The following MACROD2 variants were observed in gnomAD, a reference collection of about 807,000 sequenced individuals.
The protein encoded by MACROD2 is ADP-ribose glycohydrolase MACROD2.
In MACROD2, 36 loss-of-function variants were observed where a neutral mutation model predicts 70.4. The observed-to-expected ratio is 0.51, with a 90% CI of 0.39 to 0.68. The LOEUF is 0.68. Ranked by LOEUF, MACROD2 falls within the 30% of genes least tolerant of loss-of-function variation. The probability of loss-of-function intolerance (pLI) is 0.00; values close to 1 mark genes in which losing one functional copy is unlikely to be tolerated. For synonymous variants in MACROD2, 172 were observed against 178.8 expected (o/e 0.96, Z 0.30); for missense variants, 496 against 538.4 (o/e 0.92, Z 0.78).
chr20:15,342,480 G>A (rs1238306471), intron 6 of MACROD2, among the ~76,000 whole-genome samples: 1 of 152,146 alleles, frequency 6.6e-6, no homozygotes, highest in Non-Finnish European at 1.5e-5. Flanking sequence ...AGGAATTTGA[G>A]TCTGAAGGAA....
At chr20:15,813,922 A>G (rs1283338382) in intron 8 of MACROD2, among the ~76,000 whole-genome samples, 2 of 152,210 alleles carry the variant, frequency 1.3e-5, no homozygotes, top group African/African-American at 4.8e-5. Flanking sequence ...GCTTTTATTA[A>G]AAGTTTTTGT....
rs889198391 is a variant in MACROD2 at position 14,743,008 on chromosome 20, C to T, written c.418+58049C>T. Among the ~76,000 whole-genome samples the T allele has an allele frequency of 5.3e-5, 8 of 152,036 alleles. No individual in the cohort carries two copies. The South Asian group carries it at 8.3e-4, about 16-fold the overall frequency. Reference sequence around the variant, plus strand: ...GTCTCGATCTCCTGACCTCGTGATCCGCCCGCCTCGGCCTCCCAAATTGCT... The same window carrying T: ...GTCTCGATCTCCTGACCTCGTGATCTGCCCGCCTCGGCCTCCCAAATTGCT... On this transcript the variant is annotated intron_variant, in intron 5 of 17. Transcript: ENST00000684519.
At chr20:15,575,799 G>T (rs1318945035) in intron 8 of MACROD2, among the ~76,000 whole-genome samples, 1 of 152,066 alleles carries the variant, frequency 6.6e-6, no homozygotes, top group Non-Finnish European at 1.5e-5. Context: ...AGCAAAAACT[G>T]GAATGTCTAA....
At chr20:14,577,166 C>T (rs1414358128) in intron 4 of MACROD2, among the ~76,000 whole-genome samples, 1 of 152,106 alleles carries the variant, frequency 6.6e-6, no homozygotes, top group African/African-American at 2.4e-5. Flanking sequence ...AATCTAAGGC[C>T]ACTGGATGGC....
chr20:14,583,097 T>A (rs980400922), intron 4 of MACROD2, among the ~76,000 whole-genome samples: 1 of 152,178 alleles, frequency 6.6e-6, no homozygotes, highest in African/African-American at 2.4e-5. Flanking sequence ...GACTCTCATG[T>A]CTTGTGTTGG....
intron 5 of MACROD2, among the ~76,000 whole-genome samples, chr20:14,702,230 A>G (rs909525167): frequency 6.6e-6 from 1 of 152,046 alleles, no homozygotes; most frequent in Non-Finnish European, 1.5e-5. Context: ...TTACCCACCA[A>G]GAATTTTAAA....
chr20:14,591,997 C>T (rs1409580292), intron 4 of MACROD2, among the ~76,000 whole-genome samples: 18 of 152,008 alleles, frequency 1.2e-4, no homozygotes, highest in Non-Finnish European at 2.5e-4. Flanking sequence ...AATCATTGGG[C>T]AGAGAGGAGA....
At chr20:14,799,481 T>G (rs527814775) in intron 5 of MACROD2, among the ~76,000 whole-genome samples, 104 of 152,258 alleles carry the variant, frequency 6.8e-4, no homozygotes, top group African/African-American at 2.4e-3. Flanking sequence ...AATCTTAGCA[T>G]AGATGATGTT....
chr20:15,884,208 G>A (rs2051288328), intron 9 of MACROD2, among the ~76,000 whole-genome samples: 1 of 151,980 alleles, frequency 6.6e-6, no homozygotes, highest in African/African-American at 2.4e-5. Flanking sequence ...CAAAAATAAG[G>A]TACATCAAAG....
chr20:14,840,467 A>G (rs1342689291), intron 5 of MACROD2, among the ~76,000 whole-genome samples: 3 of 151,902 alleles, frequency 2.0e-5, no homozygotes, highest in Non-Finnish European at 4.4e-5. Context: ...GGGCTCTTGG[A>G]CTCAAGCAAT....
chr20:14,794,855 C>A (rs574037240), intron 5 of MACROD2, among the ~76,000 whole-genome samples: 1 of 151,836 alleles, frequency 6.6e-6, no homozygotes, highest in African/African-American at 2.4e-5. Context: ...AACACAGAAA[C>A]AATGTAAAAG....
chr20:14,785,479 G>T (rs964403835), intron 5 of MACROD2, among the ~76,000 whole-genome samples: 1 of 151,626 alleles, frequency 6.6e-6, no homozygotes, highest in East Asian at 1.9e-4. Context: ...AGGGGAGAGG[G>T]CCAGTCCCCC....
chr20:14,095,568 T>A (rs1309805914), intron 3 of MACROD2, among the ~76,000 whole-genome samples: 1 of 152,144 alleles, frequency 6.6e-6, no homozygotes, highest in Non-Finnish European at 1.5e-5. Context: ...CCTAGCATCT[T>A]TCCTGTTGAA....
intron 7 of MACROD2, among the ~76,000 whole-genome samples, chr20:15,487,786 A>G (rs2047181027): frequency 6.6e-6 from 1 of 152,214 alleles, no homozygotes; most frequent in Non-Finnish European, 1.5e-5. Flanking sequence ...TTTTGAGGGC[A>G]GTTTACAAAC....
intron 5 of MACROD2, among the ~76,000 whole-genome samples, chr20:15,075,717 C>A (rs529055754): frequency 6.6e-6 from 1 of 152,056 alleles, no homozygotes; most frequent in Non-Finnish European, 1.5e-5. Flanking sequence ...TGATTTAAAC[C>A]TGCCCAGTTC....
At chr20:15,815,551 T>C (rs1314503790) in intron 8 of MACROD2, among the ~76,000 whole-genome samples, 2 of 152,106 alleles carry the variant, frequency 1.3e-5, no homozygotes, top group East Asian at 1.9e-4. Context: ...TGGGAGAGAA[T>C]AGTCAAAAGT....
intron 4 of MACROD2, chr20:14,621,671 A>G (rs1395045935): frequency 6.6e-6 from 1 of 152,212 alleles, no homozygotes; most frequent in Non-Finnish European, 1.5e-5. Context: ...CAAGTGAGGT[A>G]TCCTCTAGAG....
chr20:15,636,482 A>G (rs747115558), intron 8 of MACROD2, among the ~76,000 whole-genome samples: 1 of 152,074 alleles, frequency 6.6e-6, no homozygotes. Context: ...CATCATCTCA[A>G]CCCTATAGGG....
chr20:15,227,485 C>T (rs1204406302), intron 5 of MACROD2, among the ~76,000 whole-genome samples: 1 of 151,982 alleles, frequency 6.6e-6, no homozygotes, highest in East Asian at 1.9e-4. Flanking sequence ...TCTTCTCCAT[C>T]CACAAAATAA....
Sources: allele counts gnomAD v4.1 joint callset (sites outside exome capture counted in the v4.1 genomes callset), GRCh38; gene constraint gnomAD v4.1.1; transcripts MANE v1.5; gene names NCBI Gene and HGNC (gene_info 2026-07-23, HGNC 2026-07-21).